Variants in FAM240C observed in about 807,000 individuals in gnomAD.
FAM240C encodes the protein family with sequence similarity 240 member C.
Under a neutral mutation model 10.0 loss-of-function variants are expected in FAM240C, and 14 were observed. The ratio of observed to expected loss-of-function variants is 1.40; its 90% CI spans 0.92 to 2.19. FAM240C has a LOEUF of 2.19. Among genes scored for constraint, FAM240C ranks in the 30% most tolerant of loss-of-function variants. FAM240C has a pLI of 0.00. For synonymous variants in FAM240C, 49 were observed against 44.3 expected (o/e 1.11, Z -0.42); for missense variants, 154 against 122.3 (o/e 1.26, Z -1.22).
rs772800157 is a variant in FAM240C, at chr2:241,897,238, C to G, written c.109G>C (p.Ala37Pro). The G allele has an allele frequency of 3.2e-6, 5 of 1,549,954 alleles. No homozygotes were observed. The highest frequency in any genetic ancestry group is 2.4e-5 in the East Asian group (1 of 40,924). Residue 37 changes from alanine (A) to proline (P), a missense_variant, in exon 2 of 3, where the codon GCA becomes CCA. Physicochemically the swap from Ala to Pro is conservative, Grantham distance 27. Coordinates refer to ENST00000404031, the MANE Select transcript of FAM240C (RefSeq NM_001382368.1). ...ATGTCCTCGTTCTGCAGGTGTCTTG[C>G]GTGATGCTCGATTTTTTTCTCCCAA... Reference protein sequence around the residue: ...MFWEKKIEHHARHLQNEDIRV... With the variant: ...MFWEKKIEHHPRHLQNEDIRV...
chr2:241,896,554 T>TGTTGGGGTGTGGGTGTGGGGGTGTGG (rs1701814299), intron 2 of FAM240C, among the ~76,000 whole-genome samples: 4 of 12,764 alleles, frequency 3.1e-4, no homozygotes, highest in African/African-American at 5.7e-4. Context: ...TTGGGGTGTG[T>TGTTGGGGTGTGGGTGTGGGGGTGTGG]GTGTTGGGGT....
chr2:241,902,090 C>T (rs1242931444), upstream of FAM240C, among the ~76,000 whole-genome samples: 2 of 152,180 alleles, frequency 1.3e-5, no homozygotes, highest in African/African-American at 4.8e-5. This position sits in a 1 kb window ranked among gnomAD's most constrained non-coding sequence, Gnocchi z 7.1. Context: ...TCAGCCAGAG[C>T]GGAGGAGGAA....
chr2:241,895,963 T>G (rs1235812656), intron 2 of FAM240C, among the ~76,000 whole-genome samples: 31 of 148,950 alleles, frequency 2.1e-4, no homozygotes, highest in South Asian at 6.4e-4. Flanking sequence ...CACTCGGTGG[T>G]GGGGGGGGGC....
upstream of FAM240C, among the ~76,000 whole-genome samples, chr2:241,902,153 C>T (rs1701997445): frequency 6.6e-6 from 1 of 152,146 alleles, no homozygotes; most frequent in Admixed American, 6.5e-5. The surrounding 1 kb of genome is among the most constrained non-coding windows in gnomAD (Gnocchi z 7.1). Flanking sequence ...CTTCCTCTTT[C>T]CTGAGCTATC....
At chr2:241,894,533 T>C (rs1339808712) in intron 2 of FAM240C, among the ~76,000 whole-genome samples, 194 bp from the exon 3 acceptor site, 2 of 128,768 alleles carry the variant, frequency 1.6e-5, no homozygotes, top group African/African-American at 3.0e-5. Context: ...CCCTGGGATC[T>C]CGTGGCCGGC....
chr2:241,898,409 G>A (rs13011933), intron 1 of FAM240C, among the ~76,000 whole-genome samples: 45,079 of 152,020 alleles, frequency 0.3, 8,350 homozygotes, highest in Non-Finnish European at 0.4. Context: ...AAAATTAGCC[G>A]GGATTGGTGG....
chr2:241,900,205 A>G lies in FAM240C; in HGVS notation c.12+153T>C, dbSNP rs1701950209. ...ACAGCAGGAATCCCAGTGGGAAAAC[A>G]AAATTACAAAGTTCAGTTCCCCCAG... is the stretch of plus-strand genomic sequence containing the variant. On this transcript the variant is annotated intron_variant, in intron 1 of 2. Transcript: ENST00000404031. The surrounding 1 kb of genome is among the most constrained non-coding windows in gnomAD (Gnocchi z 4.5). Among the ~76,000 whole-genome samples, 2 of 152,216 alleles carry G rather than the reference A, an allele frequency of 1.3e-5. No individual in the cohort carries two copies. Among genetic ancestry groups the G allele is most frequent in the African/African-American group, 4.8e-5 (2 of 41,462 alleles).
rs1440357298 is a variant in FAM240C at position 241,897,230 on chromosome 2, G to T, written c.117C>A (p.His39Gln). 1 of 1,549,968 alleles carries T rather than the reference G, an allele frequency of 6.5e-7. No homozygotes were observed. The highest frequency in any genetic ancestry group is 1.2e-5 in the South Asian group (1 of 84,068). Residue 39 changes from histidine (H) to glutamine (Q), a missense_variant, in exon 2 of 3, where the codon CAC becomes CAA. Coordinates refer to ENST00000404031, the MANE Select transcript of FAM240C (RefSeq NM_001382368.1). ...GAACCCTGATGTCCTCGTTCTGCAG[G>T]TGTCTTGCGTGATGCTCGATTTTTT... ...WEKKIEHHARHLQNEDIRVRR... is the reference protein window; with the variant it reads ...WEKKIEHHARQLQNEDIRVRR...
chr2:241,894,576 G>T (rs1472464410), intron 2 of FAM240C, among the ~76,000 whole-genome samples: 10 of 14,138 alleles, frequency 7.1e-4, no homozygotes, highest in Admixed American at 1.9e-3. Flanking sequence ...TGGTTGGTGG[G>T]GGGGGGGGGG....
At chr2:241,896,944 C>A (rs77205168) in intron 2 of FAM240C, among the ~76,000 whole-genome samples, 18,180 of 150,646 alleles carry the variant, frequency 0.12, 1,659 homozygotes, top group African/African-American at 0.26. Context: ...CCTGGTCTCA[C>A]GGTTAGCAAC....
At chr2:241,897,698 G>A (rs551094410) in intron 1 of FAM240C, among the ~76,000 whole-genome samples, 2 of 152,354 alleles carry the variant, frequency 1.3e-5, no homozygotes, top group South Asian at 2.1e-4. Flanking sequence ...CGAGGTGAGC[G>A]TTTCTTGGAT....
upstream of FAM240C, chr2:241,900,547 C>T (rs1162488837): frequency 1.7e-6 from 1 of 602,938 alleles, no homozygotes; most frequent in Non-Finnish European, 3.0e-6. The surrounding 1 kb of genome is among the most constrained non-coding windows in gnomAD (Gnocchi z 4.5). Flanking sequence ...CCGTCCCTGG[C>T]AGAGCTGTCC....
At chr2:241,896,791 G>T (rs866187326) in intron 2 of FAM240C, among the ~76,000 whole-genome samples, 2 of 54,494 alleles carry the variant, frequency 3.7e-5, no homozygotes, top group African/African-American at 6.8e-5. Flanking sequence ...TGAAGGGGGT[G>T]TGGGTGTTGG....
chr2:241,899,819 G>C (rs1464926304), intron 1 of FAM240C, among the ~76,000 whole-genome samples: 1 of 152,200 alleles, frequency 6.6e-6, no homozygotes, highest in Non-Finnish European at 1.5e-5. Flanking sequence ...TGGAATCCCA[G>C]CACTGTGGGA....
chr2:241,896,835 TGGGGTGTGGGTGAAGGGGTGTGGGTGTG>T (rs1701850633), intron 2 of FAM240C, among the ~76,000 whole-genome samples: 1 of 18,212 alleles, frequency 5.5e-5, no homozygotes. Context: ...GTGTGGGTGT[TGGGGTGTGGGTGAAGGGGTGTGGGTGTG>T]GGGGTGGGGG....
chr2:241,897,117 G>A, intron 2 of FAM240C, 69 bp downstream of exon 2: 1 of 1,504,894 alleles, frequency 6.6e-7, no homozygotes. Context: ...TGCTGGCGGG[G>A]CTGTGCCCCT....
chr2:241,900,284 C>T lies in FAM240C; in HGVS notation c.12+74G>A. On this transcript the variant is annotated intron_variant, in intron 1 of 2. Coordinates refer to ENST00000404031, the MANE Select transcript of FAM240C (RefSeq NM_001382368.1). The surrounding 1 kb of genome is among the most constrained non-coding windows in gnomAD (Gnocchi z 4.5). ...CCAGATATGTCACATACTCTGTTCA[C>T]CTTTTGGGGGCCCCCAAATGCAGCG... 1 of 714,248 alleles carries T rather than the reference C, an allele frequency of 1.4e-6. No homozygotes were observed. The highest frequency in any genetic ancestry group is 2.7e-5 in the East Asian group (1 of 37,174). 44.2% of individuals were successfully genotyped at this position (714,248 alleles called of 1,614,324 possible).
In FAM240C at chr2:241,900,352, G is replaced by A. The variant is rs1267101929; in HGVS notation, c.12+6C>T. On this transcript the variant is annotated splice_donor_region_variant and intron_variant, in intron 1 of 2. Transcript: ENST00000404031. The surrounding 1 kb of genome is among the most constrained non-coding windows in gnomAD (Gnocchi z 4.5). ...GACAGCGCCTGTCACATCACAGAGA[G>A]CTTACTTTTCCAACCATTTCTCAGT... is the stretch of plus-strand genomic sequence containing the variant. The A allele has an allele frequency of 2.8e-6, 2 of 717,174 alleles. No homozygotes were observed. The highest frequency in any genetic ancestry group is 2.0e-5 in the Admixed American group (1 of 50,004). The allele number at this position is 717,174 out of a possible 1,614,324, so 44.4% of individuals were successfully genotyped here.
At chr2:241,897,067 T>A (rs1016599361) in intron 2 of FAM240C, 119 bp downstream of exon 2, 48 of 1,135,298 alleles carry the variant, frequency 4.2e-5, no homozygotes, top group Non-Finnish European at 5.3e-5. Flanking sequence ...GCTGAGGGGT[T>A]TCATGGTGGG....
Sources: gnomAD v4.1 joint callset for allele counts (sites outside exome capture counted in the v4.1 genomes callset) on GRCh38, gnomAD v4.1.1 for gene constraint, Gnocchi (gnomAD v3.1) non-coding constraint, MANE v1.5 for transcripts, NCBI Gene and HGNC (gene_info 2026-07-23, HGNC 2026-07-21) for gene names.